Variants in TPSG1 observed in about 807,000 individuals in gnomAD.
TPSG1 encodes the protein tryptase gamma 1, also known as tryptase gamma.
In TPSG1, 43 loss-of-function variants were observed where a neutral mutation model predicts 23.8. That is an observed-to-expected ratio of 1.81 (90% CI 1.42 to 2.33). The LOEUF is 2.33. Among genes scored for constraint, TPSG1 ranks in the 30% most tolerant of loss-of-function variants. The pLI, the probability that TPSG1 is intolerant of heterozygous loss-of-function variation, is 0.00. For synonymous variants in TPSG1, 302 were observed against 201.3 expected (o/e 1.50, Z -4.23); for missense variants, 623 against 438.6 (o/e 1.42, Z -3.75).
chr16:1,222,213 G>A lies in TPSG1; in HGVS notation c.640C>T (p.Pro214Ser), dbSNP rs1970530009. The change falls in exon 5 of 6, where the codon CCC (proline) becomes TCC (serine). Residue 214 changes from proline (P) to serine (S), a missense_variant. Pro to Ser is a moderately conservative substitution (Grantham distance 74). Coordinates refer to ENST00000234798, the MANE Select transcript of TPSG1 (RefSeq NM_012467.4). ...AGGCTCACCTGGCAGGCATCCCCGGGGCCCCGGGCACACAGCATGTCGGGC... is the reference window on the plus strand; with the variant it reads ...AGGCTCACCTGGCAGGCATCCCCGGAGCCCCGGGCACACAGCATGTCGGGC... ...LQPDMLCARG[P>S]GDACQDDSGG... 6.2e-7 allele frequency: 1 copy of A among 1,611,604 alleles called. No individual in the cohort carries two copies. Among genetic ancestry groups the A allele is most frequent in the Non-Finnish European group, 8.5e-7 (1 of 1,179,746 alleles).
intron 2 of TPSG1, chr16:1,223,820 T>C: frequency 1.8e-6 from 1 of 550,930 alleles, no homozygotes; most frequent in East Asian, 3.4e-5. Flanking sequence ...AGCACCATGC[T>C]CCACAAACTA....
At position 1,221,682 on chromosome 16, in the gene TPSG1, A is replaced by G; in HGVS notation, c.*106T>C. Reference sequence around the variant, plus strand: ...TCGTGTGCTTTTAAATTCAGGTTAAATGTTGCAATAATCTGATGCAGAAGA... The same window carrying G: ...TCGTGTGCTTTTAAATTCAGGTTAAGTGTTGCAATAATCTGATGCAGAAGA... On this transcript the variant is annotated 3_prime_UTR_variant, in exon 6 of 6. Coordinates refer to ENST00000234798, the MANE Select transcript of TPSG1 (RefSeq NM_012467.4). The G allele has an allele frequency of 5.2e-6, 6 of 1,160,478 alleles. No homozygotes were observed. Among genetic ancestry groups the G allele is most frequent in the Middle Eastern group, 2.8e-4 (1 of 3,580 alleles). The allele number at this position is 1,160,478 out of a possible 1,614,324, so 71.9% of individuals were successfully genotyped here.
Position 1,222,160 on chromosome 16 carries a change from C to T in TPSG1, c.657+36G>A, listed in dbSNP as rs781320843. On this transcript the variant is annotated intron_variant, in intron 5 of 5. Coordinates refer to ENST00000234798, the MANE Select transcript of TPSG1 (RefSeq NM_012467.4). The stretch of plus-strand genomic sequence containing the variant: ...TGGGGAGCCCCTCCCTGGGCTTCAG[C>T]CGCCCCCATCCTCTGTCACGGCCTG... 23 of 1,611,238 alleles carry T rather than the reference C, an allele frequency of 1.4e-5. No individual in the cohort carries two copies. In the Admixed American group the frequency reaches 3.8e-4, roughly 27 times the overall value.
At chr16:1,224,383 C>T (rs1359583910) in intron 2 of TPSG1, among the ~76,000 whole-genome samples, 1 of 152,140 alleles carries the variant, frequency 6.6e-6, no homozygotes, top group African/African-American at 2.4e-5. Context: ...AGAGCATCTC[C>T]CAAGGTACAG....
chr16:1,223,677 C>G lies in TPSG1; in HGVS notation c.74-83G>C, dbSNP rs148590421. 2.6e-5 allele frequency: 37 copies of G among 1,448,718 alleles called. 2 individuals carry two copies. In the South Asian group the frequency reaches 4.3e-4, roughly 17 times the overall value. The allele number at this position is 1,448,718 out of a possible 1,614,324, so 89.7% of individuals were successfully genotyped here. A position where few individuals can be genotyped will look rare whatever the true frequency, so the allele number is the denominator to read the frequency against. On this transcript the variant is annotated intron_variant, in intron 2 of 5. Coordinates refer to ENST00000234798, the MANE Select transcript of TPSG1 (RefSeq NM_012467.4). The stretch of plus-strand genomic sequence containing the variant: ...CTCCATGAAGCCTTCCCTGACCACA[C>G]CTCCCTGCCTTCTTGGGGACTTTGC...
At chr16:1,224,691 C>T in intron 1 of TPSG1, 63 bp from the exon 2 acceptor site, 1 of 1,608,226 alleles carries the variant, frequency 6.2e-7, no homozygotes, top group Non-Finnish European at 8.5e-7. Context: ...GTGCGGGCTC[C>T]AGAGGCCCCT....
At chr16:1,225,017 G>A (rs558598107) in intron 1 of TPSG1, among the ~76,000 whole-genome samples, 190 bp downstream of exon 1, 1 of 150,294 alleles carries the variant, frequency 6.7e-6, no homozygotes, top group East Asian at 2.0e-4. Flanking sequence ...CATCCCTCCT[G>A]CCTCTCCCCA....
At chr16:1,223,066 C>T in intron 3 of TPSG1, 149 bp from the exon 4 acceptor site, 3 of 1,065,996 alleles carry the variant, frequency 2.8e-6, no homozygotes, top group Non-Finnish European at 3.9e-6. Flanking sequence ...AGTGGCCTCA[C>T]CCTGCAGGGC....
In TPSG1 at chr16:1,223,920, C is replaced by T. The variant is rs183608523; in HGVS notation, c.74-326G>A. 621 of 368,670 alleles carry T rather than the reference C, an allele frequency of 1.7e-3. 3 individuals carry two copies. The highest frequency in any genetic ancestry group is 2.5e-3 in the Admixed American group (51 of 20,634). The allele number at this position is 368,670 out of a possible 1,614,324, so 22.8% of individuals were successfully genotyped here. ...GAACGGTGGAGCCCCCGAGAAGGCC[C>T]GGGGTGCTGGGGGTGGCTGCCTAGT... On this transcript the variant is annotated intron_variant, in intron 2 of 5. Coordinates refer to ENST00000234798, the MANE Select transcript of TPSG1 (RefSeq NM_012467.4).
At position 1,221,943 on chromosome 16, in the gene TPSG1, CTGTGATGT is replaced by C; in HGVS notation, c.803_810del (p.His268ArgfsTer51). The C allele has an allele frequency of 6.2e-7, 1 of 1,612,038 alleles. No individual in the cohort carries two copies. The highest frequency in any genetic ancestry group is 8.5e-7 in the Non-Finnish European group (1 of 1,179,374). On this transcript the variant is annotated frameshift_variant, in exon 6 of 6. Transcript: ENST00000234798. LOFTEE classifies it low-confidence loss of function (END_TRUNC). ...TACCCAGACTCTGAGCCCCCTGATGCTGTGATGTGGCGGCGGATCCAGTTCACGTAGGC... is the reference window on the plus strand; with the variant it reads ...TACCCAGACTCTGAGCCCCCTGATGCGGCGGCGGATCCAGTTCACGTAGGC...
At chr16:1,224,571 C>T (rs781492634) in intron 2 of TPSG1, 31 bp downstream of exon 2, 1 of 1,613,420 alleles carries the variant, frequency 6.2e-7, no homozygotes, top group East Asian at 2.2e-5. Flanking sequence ...CCTGCACCCT[C>T]CCCCACACCC....
Position 1,221,940 on chromosome 16 carries a change from A to G in TPSG1, c.814T>C (p.Ser272Pro). 1 of 1,612,020 alleles carries G rather than the reference A, an allele frequency of 6.2e-7. No individual in the cohort carries two copies. The highest frequency in any genetic ancestry group is 8.5e-7 in the Non-Finnish European group (1 of 1,179,398). The part of the protein sequence containing the change: ...VNWIRRHITA[S>P]GGSESGYPRL... The stretch of plus-strand genomic sequence containing the variant: ...GGGTACCCAGACTCTGAGCCCCCTG[A>G]TGCTGTGATGTGGCGGCGGATCCAG... Residue 272 changes from serine (S) to proline (P), a missense_variant, in exon 6 of 6, where the codon TCA (serine) becomes CCA (proline). By Grantham distance (74) the Ser-to-Pro change is moderately conservative. Transcript: ENST00000234798.
intron 2 of TPSG1, 98 bp from the exon 3 acceptor site, chr16:1,223,692 G>T: frequency 7.1e-7 from 1 of 1,402,410 alleles, no homozygotes; most frequent in South Asian, 1.3e-5. Flanking sequence ...CTGCCTTCTT[G>T]GGGACTTTGC....
At chr16:1,223,161 G>A (rs78495475) in intron 3 of TPSG1, among the ~76,000 whole-genome samples, 1,610 of 152,344 alleles carry the variant, frequency 0.011, 26 homozygotes, top group African/African-American at 0.037. Flanking sequence ...GGCTGGTCAG[G>A]AGGCAGATTG....
In TPSG1 at chr16:1,224,630, T is replaced by TG. The variant is rs2030050249; in HGVS notation, c.47-3dup. 2 of 1,613,636 alleles carry TG rather than the reference T, an allele frequency of 1.2e-6. No homozygotes were observed. Among genetic ancestry groups the TG allele is most frequent in the Non-Finnish European group, 1.7e-6 (2 of 1,179,830 alleles). The stretch of plus-strand genomic sequence containing the variant: ...GCTGCAAAGTCCTGAGGGACACACC[T>TG]GTGGGAAAGACGAAGGGCCCAGGAT... On this transcript the variant is annotated splice_region_variant and splice_polypyrimidine_tract_variant and intron_variant, in intron 1 of 5. Coordinates refer to ENST00000234798, the MANE Select transcript of TPSG1 (RefSeq NM_012467.4).
At chr16:1,224,503 G>T (rs1252948642) in intron 2 of TPSG1, 99 bp downstream of exon 2, 1 of 1,502,408 alleles carries the variant, frequency 6.7e-7, no homozygotes, top group South Asian at 1.2e-5. Flanking sequence ...ACCTCCCCGG[G>T]CCCCCATTGG....
In TPSG1 at chr16:1,222,353, G is replaced by A. The variant is rs1481507034; in HGVS notation, c.512-12C>T. ...GGGTGGCAGAGGCTCTGGGGTGGGG[G>A]GAACAGGCTTCAGAGAAGGTTGGGG... On this transcript the variant is annotated splice_polypyrimidine_tract_variant and intron_variant, in intron 4 of 5. Coordinates refer to ENST00000234798, the MANE Select transcript of TPSG1 (RefSeq NM_012467.4). 3 of 1,575,756 alleles carry A rather than the reference G, an allele frequency of 1.9e-6. No individual in the cohort carries two copies. Among genetic ancestry groups the A allele is most frequent in the Non-Finnish European group, 1.7e-6 (2 of 1,159,264 alleles).
chr16:1,222,012 G>A lies in TPSG1; in HGVS notation c.742C>T (p.Arg248Cys), dbSNP rs377109405. 98 of 1,612,434 alleles carry A rather than the reference G, an allele frequency of 6.1e-5. No individual in the cohort carries two copies. The African/African-American group carries it at 9.3e-4, about 15-fold the overall frequency. The part of the protein sequence containing the change: ...GTVSWGEGCG[R>C]PNRPGVYTRV... ...GTGTAGACTCCCGGCCTGTTGGGGC[G>A]GCCGCAGCCCTCACCCCAGCTCACA... is the stretch of plus-strand genomic sequence containing the variant. Residue 248 changes from arginine (R) to cysteine (C), a missense_variant, in exon 6 of 6, where the codon CGC (arginine) becomes TGC (cysteine). By Grantham distance (180) the Arg-to-Cys change is radical. Transcript: ENST00000234798.
Position 1,221,839 on chromosome 16 carries a change from CT to C in TPSG1, c.914del (p.Lys305SerfsTer28). 6.2e-7 allele frequency: 1 copy of C among 1,611,856 alleles called. No homozygotes were observed. The highest frequency in any genetic ancestry group is 8.5e-7 in the Non-Finnish European group (1 of 1,179,506). ...CATCCGCAGATGGGTGCAGCAGGCACTTGGCCAGCAGGACACAGGAGACTAG... is the reference window on the plus strand; with the variant it reads ...CATCCGCAGATGGGTGCAGCAGGCACTGGCCAGCAGGACACAGGAGACTAG... ...LLLVSCVLLAKCLLHPSADGT... is the reference protein window; with the variant it reads ...LLLVSCVLLAXCLLHPSADGT... On this transcript the variant is annotated frameshift_variant, in exon 6 of 6. Transcript: ENST00000234798. LOFTEE classifies it low-confidence loss of function (END_TRUNC).
Sources: gnomAD v4.1 joint callset for allele counts (sites outside exome capture counted in the v4.1 genomes callset) on GRCh38, gnomAD v4.1.1 for gene constraint, MANE v1.5 for transcripts, NCBI Gene and HGNC (gene_info 2026-07-23, HGNC 2026-07-21) for gene names.